Variants in NSUN7 observed in about 807,000 individuals in gnomAD.
NSUN7 encodes NOP2/Sun RNA methyltransferase family member 7, also known as protein NSUN7.
NSUN7 carries 39 observed loss-of-function variants against 58.5 expected under a neutral mutation model. The ratio of observed to expected loss-of-function variants is 0.67; its 90% CI spans 0.52 to 0.87. The LOEUF is 0.87. NSUN7 is among the 40% of genes least tolerant of loss of function. The pLI, the probability that NSUN7 is intolerant of heterozygous loss-of-function variation, is 0.00. For synonymous variants in NSUN7, 278 were observed against 303.7 expected, an observed-to-expected ratio of 0.92 and a Z score of 0.88; for missense variants, 765 against 844.1, an observed-to-expected ratio of 0.91 and a Z score of 1.16.
At chr4:40,806,385 A>T (rs890898562) in intron 10 of NSUN7, among the ~76,000 whole-genome samples, 17 of 152,286 alleles carry the variant, frequency 1.1e-4, no homozygotes, top group Middle Eastern at 3.4e-3. Flanking sequence ...ATATATTTTA[A>T]TAATATAAGC....
chr4:40,780,051 C>A (rs62302835), intron 7 of NSUN7, among the ~76,000 whole-genome samples: 25,746 of 152,082 alleles, frequency 0.17, 2,667 homozygotes, highest in East Asian at 0.35. Flanking sequence ...GGAGGCAAGG[C>A]AGGAGGATCA....
rs896548298 is a variant in NSUN7, at chr4:40,810,549, G to A, written c.*1610G>A. 46 of 131,162 alleles carry A rather than the reference G, an allele frequency of 3.5e-4. No homozygotes were observed. The highest frequency in any genetic ancestry group is 1.3e-3 in the African/African-American group (45 of 33,804). The allele number at this position is 131,162 out of a possible 1,614,324, so 8.1% of individuals were successfully genotyped here. On this transcript the variant is annotated 3_prime_UTR_variant, in exon 12 of 12. Transcript: ENST00000381782. ...GCCAATATTGCCCCACTGCACTCCA[G>A]CCTGGGAAGCAGAGTGAGACCTTGC...
chr4:40,798,750 A>G (rs1167326236), intron 9 of NSUN7, 37 bp from the exon 10 acceptor site: 2 of 1,145,396 alleles, frequency 1.7e-6, no homozygotes, highest in Admixed American at 1.8e-5. Flanking sequence ...GATTGTTAAT[A>G]TAGTTGTTAC....
intron 10 of NSUN7, among the ~76,000 whole-genome samples, 197 bp from the exon 11 acceptor site, chr4:40,806,864 A>G (rs544816317): frequency 1.5e-3 from 228 of 152,358 alleles, no homozygotes; most frequent in African/African-American, 5.3e-3. Context: ...ATAATAAATT[A>G]TGAATATAAA....
rs576065053 is a variant in NSUN7 at position 40,792,723 on chromosome 4, G to C, written c.1181-1652G>C. 1.2e-3 allele frequency among the ~76,000 whole-genome samples: 176 copies of C among 151,808 alleles called. 1 individual carries two copies. The highest frequency in any genetic ancestry group is 4.2e-3 in the African/African-American group (174 of 41,362). ...GCCGAGATCGCGCCACTGCACTCCA[G>C]CCTGGGCGACAGCAAGACTCCATCT... On this transcript the variant is annotated intron_variant, in intron 8 of 11. Coordinates refer to ENST00000381782, the MANE Select transcript of NSUN7 (RefSeq NM_024677.6).
chr4:40,808,976 G>T lies in NSUN7; in HGVS notation c.*37G>T. ...TTTTTATAGGGGCCAAAGAGCAGTT[G>T]ATTTTTTTTCAAAGTCTAGTATTTC... On this transcript the variant is annotated 3_prime_UTR_variant, in exon 12 of 12. Coordinates refer to ENST00000381782, the MANE Select transcript of NSUN7 (RefSeq NM_024677.6). 3 of 1,461,216 alleles carry T rather than the reference G, an allele frequency of 2.1e-6. No homozygotes were observed. Among genetic ancestry groups the T allele is most frequent in the Non-Finnish European group, 2.7e-6 (3 of 1,110,286 alleles). 90.5% of individuals were successfully genotyped at this position (1,461,216 alleles called of 1,614,324 possible).
At chr4:40,800,532 G>A (rs1577585043) in intron 10 of NSUN7, among the ~76,000 whole-genome samples, 1 of 152,206 alleles carries the variant, frequency 6.6e-6, no homozygotes, top group South Asian at 2.1e-4. Flanking sequence ...TAGAGACGGA[G>A]TTTCACCATC....
rs1240230778 is a variant in NSUN7, at chr4:40,780,790, CACATATATAT to C, written c.1036+4533_1036+4542del. Among the ~76,000 whole-genome samples, 473 of 110,966 alleles carry C rather than the reference CACATATATAT, an allele frequency of 4.3e-3. 3 individuals are homozygous for C. Among genetic ancestry groups the C allele is most frequent in the African/African-American group, 7.7e-3 (218 of 28,250 alleles). 72.8% of individuals were successfully genotyped at this position (110,966 alleles called of 152,430 possible). On this transcript the variant is annotated intron_variant, in intron 7 of 11. Coordinates refer to ENST00000381782, the MANE Select transcript of NSUN7 (RefSeq NM_024677.6). The stretch of plus-strand genomic sequence containing the variant: ...ACACACACACACACACACACACATA[CACATATATAT>C]ATATATATATATATTTTTTTTTTTT...
chr4:40,799,598 A>G lies in NSUN7; in HGVS notation c.1400+694A>G, dbSNP rs150469095. ...ATTAATCTATAGCATAAAAGACACA[A>G]GTAATATAAAGACAGAATCCATAAT... On this transcript the variant is annotated intron_variant, in intron 10 of 11. Transcript: ENST00000381782. Among the ~76,000 whole-genome samples the G allele has an allele frequency of 3.4e-3, 512 of 152,340 alleles. 3 individuals carry two copies. The highest frequency in any genetic ancestry group is 0.011 in the African/African-American group (469 of 41,568).
At chr4:40,780,851 G>T (rs1214754542) in intron 7 of NSUN7, among the ~76,000 whole-genome samples, 12 of 110,570 alleles carry the variant, frequency 1.1e-4, no homozygotes, top group African/African-American at 4.4e-4. Context: ...ACGGTGTCTC[G>T]CTCTGTCGCC....
In NSUN7 at chr4:40,750,668, G is replaced by A. The variant is rs1273055594; in HGVS notation, c.-26G>A. The A allele has an allele frequency of 6.2e-7, 1 of 1,607,490 alleles. No individual in the cohort carries two copies. The stretch of plus-strand genomic sequence containing the variant: ...ATCGGAATTCTAACCCCAGGGTGAA[G>A]GACTCACGACAGGCGAGGGGCAGAC... On this transcript the variant is annotated 5_prime_UTR_variant, in exon 2 of 12. Transcript: ENST00000381782.
chr4:40,795,499 C>T (rs1016020106), intron 9 of NSUN7, among the ~76,000 whole-genome samples: 3 of 152,106 alleles, frequency 2.0e-5, no homozygotes, highest in African/African-American at 7.2e-5. Context: ...TTGGATATTT[C>T]AAGCTTAAAA....
intron 8 of NSUN7, among the ~76,000 whole-genome samples, chr4:40,792,707 G>A (rs185615760): frequency 1.3e-5 from 2 of 151,940 alleles, no homozygotes; most frequent in East Asian, 1.9e-4. Flanking sequence ...AGCCGAGATC[G>A]CGCCACTGCA....
chr4:40,806,928 G>C (rs1743827894), intron 10 of NSUN7, 133 bp from the exon 11 acceptor site: 1 of 839,932 alleles, frequency 1.2e-6, no homozygotes, highest in South Asian at 1.7e-5. Context: ...CTTCAGAATT[G>C]TGTTCTTGAT....
chr4:40,778,779 A>C (rs1162523890), intron 7 of NSUN7, among the ~76,000 whole-genome samples: 2 of 152,256 alleles, frequency 1.3e-5, no homozygotes, highest in Non-Finnish European at 2.9e-5. Flanking sequence ...GTGAGTAGCC[A>C]GGGAGAAAAT....
chr4:40,752,629 C>G (rs1292837766), intron 2 of NSUN7, among the ~76,000 whole-genome samples: 1 of 151,986 alleles, frequency 6.6e-6, no homozygotes, highest in Non-Finnish European at 1.5e-5. Context: ...ACGGTGTTAG[C>G]CAGGATGGTC....
chr4:40,807,316 G>A (rs1403337394), intron 11 of NSUN7, 132 bp downstream of exon 11: 2 of 807,452 alleles, frequency 2.5e-6, no homozygotes, highest in African/African-American at 1.8e-5. Flanking sequence ...TTCAGCTGAA[G>A]GGCAGGAACA....
intron 9 of NSUN7, among the ~76,000 whole-genome samples, chr4:40,796,987 C>T (rs562168986): frequency 4.6e-5 from 7 of 152,296 alleles, no homozygotes; most frequent in South Asian, 2.1e-4. Flanking sequence ...TAAACTGAAA[C>T]GGTCCTGTGA....
Position 40,808,854 on chromosome 4 carries a change from CCA to C in NSUN7, c.2078_2079del (p.His693LeufsTer10). ...AAGGCACTTGTGCCCACCTGCCTTC[CCA>C]CACACTCACTATCCAGAAAAGAGGA... On this transcript the variant is annotated frameshift_variant, in exon 12 of 12. Coordinates refer to ENST00000381782, the MANE Select transcript of NSUN7 (RefSeq NM_024677.6). LOFTEE classifies it low-confidence loss of function (END_TRUNC). 2 of 1,549,180 alleles carry C rather than the reference CCA, an allele frequency of 1.3e-6. No homozygotes were observed. The highest frequency in any genetic ancestry group is 1.7e-6 in the Non-Finnish European group (2 of 1,146,740).
Sources: gnomAD v4.1 joint callset for allele counts (sites outside exome capture counted in the v4.1 genomes callset) on GRCh38, gnomAD v4.1.1 for gene constraint, MANE v1.5 for transcripts, NCBI Gene and HGNC (gene_info 2026-07-23, HGNC 2026-07-21) for gene names.